The following TMEM232 variants were observed in gnomAD, a reference collection of about 807,000 sequenced individuals.
TMEM232 encodes transmembrane protein 232.
A neutral mutation model predicts 78.8 loss-of-function variants in TMEM232; 80 were observed. The ratio of observed to expected loss-of-function variants is 1.01; its 90% CI spans 0.85 to 1.22. The LOEUF is 1.22. Ranked by LOEUF, TMEM232 falls within the 50% of genes most tolerant of loss-of-function variation. The pLI is 0.00. For synonymous variants in TMEM232, 297 were observed against 254.3 expected, an observed-to-expected ratio of 1.17 and a Z score of -1.60; for missense variants, 881 against 742.2, an observed-to-expected ratio of 1.19 and a Z score of -2.17.
At chr5:110,734,291 C>G (rs985216332) in intron 2 of TMEM232, among the ~76,000 whole-genome samples, 2 of 152,170 alleles carry the variant, frequency 1.3e-5, no homozygotes, top group African/African-American at 2.4e-5. Flanking sequence ...TTCTGGAGCC[C>G]AGAGTGAAGG....
intron 1 of TMEM232, among the ~76,000 whole-genome samples, chr5:110,704,195 G>A (rs552697251): frequency 6.6e-6 from 1 of 152,088 alleles, no homozygotes; most frequent in Non-Finnish European, 1.5e-5. Flanking sequence ...TTTATTGGAA[G>A]AGACATCAAC....
intron 12 of TMEM232, among the ~76,000 whole-genome samples, chr5:110,481,691 A>C (rs1561549561): frequency 6.6e-6 from 1 of 152,224 alleles, no homozygotes; most frequent in Non-Finnish European, 1.5e-5. Flanking sequence ...CTACTTCAGA[A>C]CATGGGAAAG....
intron 2 of TMEM232, among the ~76,000 whole-genome samples, chr5:110,644,657 C>G (rs73226252): frequency 0.019 from 2,824 of 151,406 alleles, 105 homozygotes; most frequent in African/African-American, 0.066. Context: ...ACTCACATTA[C>G]ATGAAGAAAT....
chr5:110,476,578 T>A (rs1300163285), intron 12 of TMEM232, among the ~76,000 whole-genome samples: 1 of 151,952 alleles, frequency 6.6e-6, no homozygotes, highest in Non-Finnish European at 1.5e-5. Flanking sequence ...TCCAAAAAAA[T>A]GGATTTGTGA....
chr5:110,531,142 A>AC (rs201787928), intron 11 of TMEM232, among the ~76,000 whole-genome samples: 11,036 of 151,036 alleles, frequency 0.073, 507 homozygotes, highest in South Asian at 0.19. Flanking sequence ...GCACCCTGTG[A>AC]CCCCCACTTC....
intron 12 of TMEM232, among the ~76,000 whole-genome samples, chr5:110,473,918 A>AC (rs1762955363): frequency 1.5e-5 from 2 of 130,770 alleles, no homozygotes; most frequent in East Asian, 4.4e-4. Context: ...AAAAAAAAAA[A>AC]CCCGCAAAAT....
intron 12 of TMEM232, among the ~76,000 whole-genome samples, chr5:110,494,672 A>G (rs144989886): frequency 0.012 from 1,825 of 152,210 alleles, 23 homozygotes; most frequent in Middle Eastern, 0.037. Context: ...CTTTGTTTCA[A>G]TAACAAAAAC....
intron 2 of TMEM232, among the ~76,000 whole-genome samples, chr5:110,656,387 G>A (rs1359770761): frequency 6.6e-6 from 1 of 152,138 alleles, no homozygotes; most frequent in Non-Finnish European, 1.5e-5. Flanking sequence ...CCACAACACA[G>A]CCTTATATCC....
upstream of TMEM232, chr5:110,738,212 G>A: frequency 7.8e-7 from 1 of 1,286,900 alleles, no homozygotes; most frequent in Non-Finnish European, 1.0e-6. Context: ...TGGGGAGGGA[G>A]CCTGGCCCAA....
downstream of TMEM232, among the ~76,000 whole-genome samples, chr5:110,417,168 A>C (rs1000631537): frequency 6.6e-6 from 1 of 152,204 alleles, no homozygotes; most frequent in African/African-American, 2.4e-5. Context: ...CGTAAGCATA[A>C]ATGATAAAAC....
intron 12 of TMEM232, among the ~76,000 whole-genome samples, chr5:110,431,021 T>A (rs1757776783): frequency 1.3e-5 from 2 of 151,584 alleles, no homozygotes; most frequent in Non-Finnish European, 3.0e-5. Context: ...GAAATTTTGA[T>A]CAGAACTTGA....
At chr5:110,495,199 T>C (rs1377542460) in intron 12 of TMEM232, among the ~76,000 whole-genome samples, 1 of 151,468 alleles carries the variant, frequency 6.6e-6, no homozygotes, top group African/African-American at 2.4e-5. Context: ...AAAGGAGAGA[T>C]CTGTGGTTTA....
intron 1 of TMEM232, among the ~76,000 whole-genome samples, chr5:110,691,487 G>C (rs1794113962): frequency 2.0e-5 from 3 of 152,074 alleles, no homozygotes; most frequent in Admixed American, 2.0e-4. Context: ...TTATTTATTT[G>C]CAACTAACAG....
At chr5:110,685,314 G>T (rs1245569224) in intron 1 of TMEM232, among the ~76,000 whole-genome samples, 1 of 151,926 alleles carries the variant, frequency 6.6e-6, no homozygotes, top group Non-Finnish European at 1.5e-5. Flanking sequence ...TAACAGCAAA[G>T]TAGACCCCAA....
At chr5:110,693,054 C>T (rs138961915) in intron 1 of TMEM232, among the ~76,000 whole-genome samples, 1 of 152,156 alleles carries the variant, frequency 6.6e-6, no homozygotes, top group Non-Finnish European at 1.5e-5. Context: ...AAGCACCCCC[C>T]AGTAGGGGCG....
intron 13 of TMEM232, among the ~76,000 whole-genome samples, chr5:110,423,803 G>GTGTGTGTA (rs1756942332): frequency 2.0e-5 from 3 of 151,866 alleles, no homozygotes; most frequent in Admixed American, 2.0e-4. Context: ...GTGTGTGTGT[G>GTGTGTGTA]TGTGTGTATG....
At chr5:110,686,035 G>A (rs1337868843) in intron 1 of TMEM232, among the ~76,000 whole-genome samples, 1 of 151,794 alleles carries the variant, frequency 6.6e-6, no homozygotes, top group South Asian at 2.1e-4. Flanking sequence ...TGGTAACATG[G>A]GTATATGTAT....
chr5:110,391,322 TGTGTGA>T (rs1307278091), intron 3 of TMEM232, among the ~76,000 whole-genome samples: 7 of 138,112 alleles, frequency 5.1e-5, no homozygotes, highest in African/African-American at 2.2e-4. Context: ...TGTGTGTGTG[TGTGTGA>T]GAGAGAGAGA....
intron 3 of TMEM232, among the ~76,000 whole-genome samples, chr5:110,393,934 G>T (rs574147947): frequency 6.8e-6 from 1 of 147,222 alleles, no homozygotes; most frequent in Non-Finnish European, 1.5e-5. Context: ...CTCCAGCCTA[G>T]GTGACAAGAG....
Sources: gnomAD v4.1 joint callset for allele counts (sites outside exome capture counted in the v4.1 genomes callset) on GRCh38, gnomAD v4.1.1 for gene constraint, MANE v1.5 for transcripts, NCBI Gene and HGNC (gene_info 2026-07-23, HGNC 2026-07-21) for gene names.